The following RPS6KA2 variants were observed in gnomAD, a reference collection of about 807,000 sequenced individuals.
The protein encoded by RPS6KA2 is ribosomal protein S6 kinase A2.
RPS6KA2 carries 42 observed loss-of-function variants against 91.8 expected under a neutral mutation model. The observed-to-expected ratio is 0.46, with a 90% CI of 0.36 to 0.59. The LOEUF (loss-of-function observed/expected upper bound fraction) is 0.59. RPS6KA2 is among the 20% of genes least tolerant of loss of function. The probability of loss-of-function intolerance (pLI) is 0.00; values close to 1 mark genes in which losing one functional copy is unlikely to be tolerated. For missense variants in RPS6KA2, 798 were observed against 978.5 expected (o/e 0.82, Z 2.46); for synonymous variants, 414 against 393.6 (o/e 1.05, Z -0.61).
chr6:166,648,133 C>T lies in RPS6KA2; in HGVS notation c.124-109349G>A, dbSNP rs552052753. ...GTGCACACACACGCTCATACACATA[C>T]ATGCACACACGCACATGGTTACACA... On this transcript the variant is annotated intron_variant, in intron 2 of 21. Coordinates refer to the RPS6KA2 transcript ENST00000503859. The surrounding 1 kb of genome is among the most constrained non-coding windows in gnomAD (Gnocchi z 4.8). Among the ~76,000 whole-genome samples the T allele has an allele frequency of 1.3e-5, 2 of 151,232 alleles. No individual in the cohort carries two copies. Among genetic ancestry groups the T allele is most frequent in the East Asian group, 2.0e-4 (1 of 5,104 alleles).
intron 11 of RPS6KA2, among the ~76,000 whole-genome samples, chr6:166,469,159 T>C (rs1780656819): frequency 6.6e-6 from 1 of 151,974 alleles, no homozygotes; most frequent in Non-Finnish European, 1.5e-5. Context: ...CCATTCGGAG[T>C]TGGCGTCTTG....
chr6:166,710,213 G>C (rs1230607754), intron 2 of RPS6KA2, among the ~76,000 whole-genome samples: 1 of 152,030 alleles, frequency 6.6e-6, no homozygotes, highest in African/African-American at 2.4e-5. Context: ...ATTCAATTTT[G>C]CTGTTCTTAT....
rs547799521 is a variant in RPS6KA2, at chr6:166,688,366, G to A, written c.124-149582C>T. 3.3e-5 allele frequency among the ~76,000 whole-genome samples: 5 copies of A among 152,286 alleles called. No individual in the cohort carries two copies. In the South Asian group the frequency reaches 6.2e-4, roughly 19 times the overall value. ...GGTCCTCAACCTCAATTTCCCACTCGTGTCCCACCTGCCCGGCCCCCTCTG... is the reference window on the plus strand; with the variant it reads ...GGTCCTCAACCTCAATTTCCCACTCATGTCCCACCTGCCCGGCCCCCTCTG... On this transcript the variant is annotated intron_variant, in intron 2 of 21. Transcript: ENST00000503859.
intron 1 of RPS6KA2, among the ~76,000 whole-genome samples, chr6:166,861,641 G>A (rs988606643): frequency 3.9e-5 from 6 of 151,984 alleles, no homozygotes; most frequent in East Asian, 1.9e-4. Flanking sequence ...ATCTTTTTTC[G>A]TTTAAGATCA....
chr6:166,528,478 C>G (rs1783142994), intron 3 of RPS6KA2, among the ~76,000 whole-genome samples: 2 of 150,682 alleles, frequency 1.3e-5, no homozygotes. Flanking sequence ...AGAAGAAAAC[C>G]TAGGCAATAC....
intron 1 of RPS6KA2, among the ~76,000 whole-genome samples, chr6:166,549,130 A>C (rs1355129321): frequency 6.6e-6 from 1 of 152,266 alleles, no homozygotes; most frequent in African/African-American, 2.4e-5. Flanking sequence ...GTATCAGTAC[A>C]TACCCATCAG....
At chr6:166,581,271 T>C (rs1784999412) in intron 1 of RPS6KA2, among the ~76,000 whole-genome samples, 1 of 152,172 alleles carries the variant, frequency 6.6e-6, no homozygotes, top group African/African-American at 2.4e-5. Context: ...CCACTCTGCT[T>C]TTGACAGCAT....
intron 2 of RPS6KA2, among the ~76,000 whole-genome samples, chr6:166,796,806 GCA>G (rs1779237430): frequency 6.6e-6 from 1 of 151,462 alleles, no homozygotes; most frequent in South Asian, 2.1e-4. Flanking sequence ...ACTCACAACT[GCA>G]CAGTCCTGAG....
At chr6:166,596,354 T>C (rs145860105) in intron 1 of RPS6KA2, among the ~76,000 whole-genome samples, 80 of 152,278 alleles carry the variant, frequency 5.3e-4, no homozygotes, top group Non-Finnish European at 9.8e-4. Context: ...TTCAACTCGG[T>C]GAACTGGGAG....
At position 166,480,336 on chromosome 6, in the gene RPS6KA2, A is replaced by G. The variant is rs566804622; in HGVS notation, c.907+8497T>C. Among the ~76,000 whole-genome samples the G allele has an allele frequency of 2.6e-5, 4 of 151,980 alleles. No individual in the cohort carries two copies. In the South Asian group the frequency reaches 8.3e-4, roughly 32 times the overall value. On this transcript the variant is annotated intron_variant, in intron 10 of 20. Coordinates refer to ENST00000265678, the MANE Select transcript of RPS6KA2 (RefSeq NM_021135.6). ...CAGGTACTGGCTGATTCGAAAGCAC[A>G]AAAACATTCACGGAAAGCAACAAGT...
intron 1 of RPS6KA2, among the ~76,000 whole-genome samples, chr6:166,618,532 A>T (rs1335349148): frequency 5.3e-5 from 8 of 152,198 alleles, no homozygotes; most frequent in Admixed American, 5.2e-4. Context: ...CAGCGTGGGC[A>T]GGGGTGAGAC....
intron 1 of RPS6KA2, among the ~76,000 whole-genome samples, chr6:166,562,026 T>C (rs996681460): frequency 2.0e-5 from 3 of 152,190 alleles, no homozygotes; most frequent in African/African-American, 7.2e-5. Flanking sequence ...AGGGAGGCAT[T>C]GCTGGCTCAT....
intron 2 of RPS6KA2, among the ~76,000 whole-genome samples, chr6:166,766,169 A>AT (rs1215974449): frequency 6.6e-6 from 1 of 152,212 alleles, no homozygotes; most frequent in African/African-American, 2.4e-5. Context: ...ATGTCACTGA[A>AT]TAGAGGATAC....
rs1780197914 is a variant in RPS6KA2 at position 166,459,321 on chromosome 6, A to G, written c.1075+128T>C. The G allele has an allele frequency of 3.2e-6, 2 of 633,842 alleles. No homozygotes were observed. Among genetic ancestry groups the G allele is most frequent in the Admixed American group, 2.8e-5 (1 of 35,630 alleles). The allele number at this position is 633,842 out of a possible 1,614,324, so 39.3% of individuals were successfully genotyped here. On this transcript the variant is annotated intron_variant, in intron 12 of 20. Coordinates refer to ENST00000265678, the MANE Select transcript of RPS6KA2 (RefSeq NM_021135.6). The surrounding 1 kb of genome is among the most constrained non-coding windows in gnomAD (Gnocchi z 4.9). ...CAGAGAAAACAACAACAAAAAACCCAAACAGAATGGACAGTTATTTTCCAT... is the reference window on the plus strand; with the variant it reads ...CAGAGAAAACAACAACAAAAAACCCGAACAGAATGGACAGTTATTTTCCAT...
intron 2 of RPS6KA2, chr6:166,702,858 A>T: frequency 1.1e-6 from 1 of 937,212 alleles, no homozygotes; most frequent in Non-Finnish European, 1.7e-6. Context: ...ATGGTTGTTT[A>T]AAAAAAATTA....
At chr6:166,527,857 C>T (rs1365078701) in intron 3 of RPS6KA2, among the ~76,000 whole-genome samples, 4 of 152,232 alleles carry the variant, frequency 2.6e-5, no homozygotes, top group South Asian at 4.1e-4. Flanking sequence ...CCAGGCTTCA[C>T]CCATGTTGGA....
At chr6:166,760,448 T>C (rs1007224633) in intron 2 of RPS6KA2, among the ~76,000 whole-genome samples, 1 of 152,192 alleles carries the variant, frequency 6.6e-6, no homozygotes, top group African/African-American at 2.4e-5. Context: ...CTACTGAATG[T>C]CAAAGTGATA....
chr6:166,764,793 G>A (rs1317918842), intron 2 of RPS6KA2, among the ~76,000 whole-genome samples: 2 of 152,176 alleles, frequency 1.3e-5, no homozygotes, highest in East Asian at 1.9e-4. Context: ...CTACAGCCAC[G>A]CAAGCACCTG....
intron 1 of RPS6KA2, among the ~76,000 whole-genome samples, chr6:166,570,423 C>T (rs577621941): frequency 4.6e-5 from 7 of 152,318 alleles, no homozygotes; most frequent in African/African-American, 1.7e-4. Flanking sequence ...CCAATGACAA[C>T]GCATTGATTT....
Sources: allele counts gnomAD v4.1 joint callset (sites outside exome capture counted in the v4.1 genomes callset), GRCh38; gene constraint gnomAD v4.1.1; non-coding constraint Gnocchi (gnomAD v3.1); transcripts MANE v1.5; gene names NCBI Gene and HGNC (gene_info 2026-07-23, HGNC 2026-07-21).